ZFR: variants seen among roughly 807,000 people sequenced by gnomAD.
ZFR encodes zinc finger RNA-binding protein.
Under a neutral mutation model 130.7 loss-of-function variants are expected in ZFR, and 19 were observed. The observed-to-expected ratio is 0.15, with a 90% CI of 0.10 to 0.21. ZFR has a LOEUF of 0.21. Among genes scored for constraint, ZFR ranks in the 10% least tolerant of loss-of-function variants. ZFR has a pLI of 1.00. For missense variants in ZFR, 872 were observed against 1,321.5 expected, an observed-to-expected ratio of 0.66 and a Z score of 5.27; for synonymous variants, 466 against 456.9, an observed-to-expected ratio of 1.02 and a Z score of -0.25.
chr5:32,418,138 T>A (rs571173649), intron 3 of ZFR, among the ~76,000 whole-genome samples: 4 of 151,926 alleles, frequency 2.6e-5, no homozygotes, highest in African/African-American at 9.7e-5. Flanking sequence ...CAGGCACCTG[T>A]AGTCCCAGCT....
chr5:32,418,036 G>A (rs1386301616), intron 3 of ZFR, among the ~76,000 whole-genome samples: 2 of 152,124 alleles, frequency 1.3e-5, no homozygotes, highest in African/African-American at 2.4e-5. Flanking sequence ...CAAGCCGGGC[G>A]GATCATGAGG....
At chr5:32,405,441 A>T (rs1379222138) in intron 6 of ZFR, among the ~76,000 whole-genome samples, 3 of 152,234 alleles carry the variant, frequency 2.0e-5, no homozygotes, top group African/African-American at 7.2e-5. Context: ...ACTGACTTGC[A>T]GAAATACCTG....
chr5:32,386,973 G>C (rs372990986), intron 14 of ZFR, among the ~76,000 whole-genome samples: 1 of 152,014 alleles, frequency 6.6e-6, no homozygotes, highest in African/African-American at 2.4e-5. Flanking sequence ...CTTAAAAAAA[G>C]TTTGTTTTTG....
intron 19 of ZFR, among the ~76,000 whole-genome samples, chr5:32,357,522 TC>T (rs1213258847): frequency 6.6e-6 from 1 of 152,194 alleles, no homozygotes; most frequent in Non-Finnish European, 1.5e-5. Context: ...TGCCTTGGCC[TC>T]CCGAAGTGCT....
intron 2 of ZFR, among the ~76,000 whole-genome samples, chr5:32,443,878 G>A (rs1754530603): frequency 6.6e-6 from 1 of 152,256 alleles, no homozygotes; most frequent in Non-Finnish European, 1.5e-5. Context: ...GACGCGCGGA[G>A]GCGGGGACTG....
At chr5:32,403,053 G>A in intron 8 of ZFR, 53 bp downstream of exon 8, 1 of 1,558,346 alleles carries the variant, frequency 6.4e-7, no homozygotes, top group Middle Eastern at 1.7e-4. Context: ...CTGCAATGGA[G>A]AAGAAACAAC....
chr5:32,400,351 T>C (rs911450533), intron 8 of ZFR, 148 bp from the exon 9 acceptor site: 1 of 578,590 alleles, frequency 1.7e-6, no homozygotes, highest in African/African-American at 1.9e-5. Flanking sequence ...AAGAACTACA[T>C]AAACTACTTG....
At chr5:32,380,646 ATTTC>A (rs1752914824) in intron 15 of ZFR, among the ~76,000 whole-genome samples, 1 of 119,246 alleles carries the variant, frequency 8.4e-6, no homozygotes, top group African/African-American at 3.0e-5. Flanking sequence ...CAAAACAGGC[ATTTC>A]TTTTTTTTTT....
At chr5:32,396,853 A>G (rs1367482414) in intron 10 of ZFR, among the ~76,000 whole-genome samples, 1 of 152,134 alleles carries the variant, frequency 6.6e-6, no homozygotes, top group Non-Finnish European at 1.5e-5. Flanking sequence ...CAACATATCA[A>G]CTCATCTCAA....
rs201384258 is a variant in ZFR, at chr5:32,444,706, C to T, written c.-48G>A. 5 of 1,498,952 alleles carry T rather than the reference C, an allele frequency of 3.3e-6. No homozygotes were observed. Among genetic ancestry groups the T allele is most frequent in the African/African-American group, 2.9e-5 (2 of 68,734 alleles). 92.9% of individuals were successfully genotyped at this position (1,498,952 alleles called of 1,614,324 possible). On this transcript the variant is annotated 5_prime_UTR_variant, in exon 1 of 20. Coordinates refer to ENST00000265069, the MANE Select transcript of ZFR (RefSeq NM_016107.5). ...ACTCTGAACTCTCACCCGCTGCCTC[C>T]CTCCTCTGCCCCGCTCCTCCTCAGC...
chr5:32,444,188 G>A (rs771221622), intron 2 of ZFR, 41 bp downstream of exon 2: 2 of 1,583,214 alleles, frequency 1.3e-6, no homozygotes, highest in East Asian at 4.7e-5. Context: ...GGACCGAGGG[G>A]AGAGCAAGGG....
At chr5:32,396,026 A>C (rs1753300372) in intron 10 of ZFR, among the ~76,000 whole-genome samples, 2 of 152,058 alleles carry the variant, frequency 1.3e-5, no homozygotes, top group Non-Finnish European at 2.9e-5. Flanking sequence ...GTTTCAGACT[A>C]GCCCGGCCAA....
rs201277289 is a variant in ZFR, at chr5:32,406,763, A to G, written c.1032+11T>C. On this transcript the variant is annotated intron_variant, in intron 6 of 19. Transcript: ENST00000265069. ...ACTGAAGACTCAAGGTAAAACATAC[A>G]ACGTAAGTACCTGTGGTCCAGCACA... 6.7e-4 allele frequency: 1,066 copies of G among 1,601,684 alleles called. 2 individuals carry two copies. Among genetic ancestry groups the G allele is most frequent in the Non-Finnish European group, 8.6e-4 (1,015 of 1,177,070 alleles).
chr5:32,403,296 C>A lies in ZFR; in HGVS notation c.1326G>T (p.Pro442=), dbSNP rs144335852. ...TSSTAVSASK[P]TASPSSIAAN... ...CTGCAATGCTTGAAGGAGAGGCAGT[C>A]GGCTTTGAAGCAGATACAGCTGTTG... The change falls in exon 8 of 20, where the codon CCG becomes CCT. Residue 442 remains proline, a synonymous_variant. Transcript: ENST00000265069. The A allele has an allele frequency of 1.4e-5, 23 of 1,614,154 alleles. No homozygotes were observed. The African/African-American group carries it at 2.5e-4, about 18-fold the overall frequency.
intron 19 of ZFR, among the ~76,000 whole-genome samples, chr5:32,362,389 A>T (rs1404973334): frequency 6.6e-6 from 1 of 152,214 alleles, no homozygotes; most frequent in East Asian, 1.9e-4. Flanking sequence ...GGAAGGAAAT[A>T]TGGAATCATT....
At chr5:32,390,492 C>T (rs1364422884) in intron 11 of ZFR, 55 bp from the exon 12 acceptor site, 1 of 1,518,274 alleles carries the variant, frequency 6.6e-7, no homozygotes, top group African/African-American at 1.4e-5. Flanking sequence ...AGCCCAAGAA[C>T]TTGCATCAAT....
rs567812143 is a variant in ZFR at position 32,361,187 on chromosome 5, G to A, written c.3045+2761C>T. Among the ~76,000 whole-genome samples, 3 of 152,340 alleles carry A rather than the reference G, an allele frequency of 2.0e-5. No homozygotes were observed. The East Asian group carries it at 5.8e-4, about 29-fold the overall frequency. On this transcript the variant is annotated intron_variant, in intron 19 of 19. Coordinates refer to ENST00000265069, the MANE Select transcript of ZFR (RefSeq NM_016107.5). ...TGCTCTGATTTTGAGATAAAGGATA[G>A]TTACTGGTTTAGTCATCCACATGGG...
At chr5:32,363,457 C>T (rs1232769376) in intron 19 of ZFR, among the ~76,000 whole-genome samples, 2 of 152,150 alleles carry the variant, frequency 1.3e-5, no homozygotes, top group African/African-American at 4.8e-5. Flanking sequence ...GAGACAGATA[C>T]TGCTTTTATA....
At position 32,361,483 on chromosome 5, in the gene ZFR, A is replaced by G. The variant is rs558865842; in HGVS notation, c.3045+2465T>C. 3.3e-5 allele frequency among the ~76,000 whole-genome samples: 5 copies of G among 152,314 alleles called. No homozygotes were observed. The South Asian group carries it at 1.0e-3, about 32-fold the overall frequency. On this transcript the variant is annotated intron_variant, in intron 19 of 19. Coordinates refer to ENST00000265069, the MANE Select transcript of ZFR (RefSeq NM_016107.5). The stretch of plus-strand genomic sequence containing the variant: ...AATTCTTTATTCAGAGAGACTTATA[A>G]AAGGTCCTTCCTAAAGATAACATAA...
Sources: allele counts gnomAD v4.1 joint callset (sites outside exome capture counted in the v4.1 genomes callset), GRCh38; gene constraint gnomAD v4.1.1; transcripts MANE v1.5; gene names NCBI Gene and HGNC (gene_info 2026-07-23, HGNC 2026-07-21).